MAGI2: variants seen among roughly 807,000 people sequenced by gnomAD.
MAGI2 encodes the protein membrane associated guanylate kinase, WW and PDZ domain containing 2.
MAGI2 carries 35 observed loss-of-function variants against 133.3 expected under a neutral mutation model. The observed-to-expected ratio is 0.26, with a 90% CI of 0.20 to 0.35. The LOEUF is 0.35. Among genes scored for constraint, MAGI2 ranks in the 10% least tolerant of loss-of-function variants. The probability of loss-of-function intolerance (pLI) is 1.00; values close to 1 mark genes in which losing one functional copy is unlikely to be tolerated. For synonymous variants in MAGI2, 729 were observed against 710.6 expected, an observed-to-expected ratio of 1.03 and a Z score of -0.41; for missense variants, 1,636 against 1,863.4, an observed-to-expected ratio of 0.88 and a Z score of 2.25.
chr7:78,887,950 T>C (rs1796401867), intron 2 of MAGI2, among the ~76,000 whole-genome samples: 2 of 152,174 alleles, frequency 1.3e-5, no homozygotes, highest in Non-Finnish European at 2.9e-5. Context: ...ACCTGGCAAG[T>C]GCAAGGGGTC....
At chr7:78,358,708 A>G (rs984510901) in intron 7 of MAGI2, 8 of 228,164 alleles carry the variant, frequency 3.5e-5, no homozygotes, top group Non-Finnish European at 6.9e-5. Flanking sequence ...TTGGCTGGAA[A>G]TACCAGGTAG....
At chr7:79,434,327 A>T (rs1267353552) in intron 1 of MAGI2, among the ~76,000 whole-genome samples, 1 of 152,168 alleles carries the variant, frequency 6.6e-6, no homozygotes, top group Non-Finnish European at 1.5e-5. Flanking sequence ...GAATCACAGA[A>T]GGTATAGATT....
At chr7:78,829,253 C>A (rs1055515734) in intron 2 of MAGI2, among the ~76,000 whole-genome samples, 2 of 151,320 alleles carry the variant, frequency 1.3e-5, no homozygotes, top group Non-Finnish European at 2.9e-5. Context: ...CTGTGAACTT[C>A]AAATTTATGT....
chr7:78,666,258 C>G (rs74699845), intron 2 of MAGI2, among the ~76,000 whole-genome samples: 3 of 151,904 alleles, frequency 2.0e-5, no homozygotes, highest in Non-Finnish European at 2.9e-5. Context: ...ATTTTAGCAA[C>G]GCAAATATGG....
chr7:78,024,406 C>T (rs1008257210), intron 21 of MAGI2, among the ~76,000 whole-genome samples: 45 of 152,200 alleles, frequency 3.0e-4, no homozygotes, highest in African/African-American at 1.1e-3. Flanking sequence ...AGTTCATCGG[C>T]TTCTTTAATA....
intron 2 of MAGI2, among the ~76,000 whole-genome samples, chr7:78,750,349 T>C: frequency 6.6e-6 from 1 of 152,172 alleles, no homozygotes; most frequent in Non-Finnish European, 1.5e-5. Flanking sequence ...CATATGTGTG[T>C]ACGTGTGCAT....
rs140013030 is a variant in MAGI2, at chr7:78,831,212, C to A, written c.418+175878G>T. Among the ~76,000 whole-genome samples the A allele has an allele frequency of 4.7e-3, 712 of 152,196 alleles. 8 individuals are homozygous for A. The highest frequency in any genetic ancestry group is 0.017 in the African/African-American group (690 of 41,534). On this transcript the variant is annotated intron_variant, in intron 2 of 21. Coordinates refer to ENST00000354212, the MANE Select transcript of MAGI2 (RefSeq NM_012301.4). ...AGATTCATGCCCTATTAGGCCCCAT[C>A]CAATGGCTCATGTTTTTCCACTCTT...
At chr7:79,029,609 A>G (rs1054867977) in intron 1 of MAGI2, among the ~76,000 whole-genome samples, 2 of 152,184 alleles carry the variant, frequency 1.3e-5, no homozygotes, top group Non-Finnish European at 2.9e-5. Flanking sequence ...TAAAATGCAG[A>G]ATGTGAGGCT....
At chr7:79,060,187 T>C (rs2117061555) in intron 1 of MAGI2, among the ~76,000 whole-genome samples, 1 of 152,084 alleles carries the variant, frequency 6.6e-6, no homozygotes, top group Non-Finnish European at 1.5e-5. Flanking sequence ...CAGTACAAAG[T>C]TGAAGTTTAA....
At chr7:79,223,379 C>T (rs948438174) in intron 1 of MAGI2, among the ~76,000 whole-genome samples, 8 of 152,006 alleles carry the variant, frequency 5.3e-5, no homozygotes, top group Non-Finnish European at 1.2e-4. Flanking sequence ...GTTAACACTT[C>T]ATTATGCATG....
At chr7:78,471,102 A>T (rs1791156262) in intron 6 of MAGI2, among the ~76,000 whole-genome samples, 1 of 152,110 alleles carries the variant, frequency 6.6e-6, no homozygotes, top group Non-Finnish European at 1.5e-5. Flanking sequence ...TTGTGTTAGA[A>T]GTGAATATTT....
intron 2 of MAGI2, among the ~76,000 whole-genome samples, chr7:78,866,143 A>T (rs1029552884): frequency 6.6e-6 from 1 of 152,218 alleles, no homozygotes; most frequent in Non-Finnish European, 1.5e-5. Flanking sequence ...TGAAAAACAG[A>T]GAAATTTGTT....
At chr7:78,346,189 G>T in intron 7 of MAGI2, 146 bp from the exon 8 acceptor site, 1 of 822,406 alleles carries the variant, frequency 1.2e-6, no homozygotes, top group Non-Finnish European at 1.9e-6. Flanking sequence ...TCAGGCTCCT[G>T]ACTGGGCTGG....
At chr7:79,369,700 T>C (rs1326203540) in intron 1 of MAGI2, among the ~76,000 whole-genome samples, 1 of 152,202 alleles carries the variant, frequency 6.6e-6, no homozygotes, top group African/African-American at 2.4e-5. Context: ...TAGTGATGCA[T>C]GTAGAATATG....
At chr7:78,348,364 G>A (rs1370879472) in intron 7 of MAGI2, 2 of 152,182 alleles carry the variant, frequency 1.3e-5, no homozygotes, top group African/African-American at 4.8e-5. Flanking sequence ...TACAATGTTT[G>A]TATCTCCCTT....
At chr7:78,841,927 A>C (rs976830701) in intron 2 of MAGI2, among the ~76,000 whole-genome samples, 1 of 151,938 alleles carries the variant, frequency 6.6e-6, no homozygotes, top group African/African-American at 2.4e-5. Context: ...CCTATGGCAG[A>C]GTTCCCTGGA....
chr7:79,388,710 A>T (rs370227205), intron 1 of MAGI2, among the ~76,000 whole-genome samples: 2 of 151,694 alleles, frequency 1.3e-5, no homozygotes, highest in Admixed American at 6.6e-5. Context: ...TGTACATTCC[A>T]CTCTTAATGA....
intron 1 of MAGI2, among the ~76,000 whole-genome samples, chr7:79,126,131 T>C (rs549747529): frequency 6.6e-6 from 1 of 152,278 alleles, no homozygotes; most frequent in Admixed American, 6.5e-5. Context: ...AACATAATAG[T>C]CTGATCATAA....
At chr7:78,542,209 A>G (rs1240719049) in intron 3 of MAGI2, among the ~76,000 whole-genome samples, 1 of 152,220 alleles carries the variant, frequency 6.6e-6, no homozygotes, top group Non-Finnish European at 1.5e-5. Context: ...TGTTGGCGAC[A>G]CAAAAATAGA....
Sources: allele counts gnomAD v4.1 joint callset (sites outside exome capture counted in the v4.1 genomes callset), GRCh38; gene constraint gnomAD v4.1.1; transcripts MANE v1.5; gene names NCBI Gene and HGNC (gene_info 2026-07-23, HGNC 2026-07-21).